ANK3: variants seen among roughly 807,000 people sequenced by gnomAD.
The protein encoded by ANK3 is ankyrin-3.
ANK3 carries 57 observed loss-of-function variants against 370.9 expected under a neutral mutation model. The observed-to-expected ratio is 0.15, with a 90% CI of 0.12 to 0.19. The LOEUF (loss-of-function observed/expected upper bound fraction) is 0.19. ANK3 is among the 10% of genes least tolerant of loss of function. The pLI, the probability that ANK3 is intolerant of heterozygous loss-of-function variation, is 1.00. For missense variants in ANK3, 4,439 were observed against 5,302.1 expected (o/e 0.84, Z 5.06); for synonymous variants, 1,929 against 1,946.3 (o/e 0.99, Z 0.23).
chr10:60,121,116 G>C (rs1009491696), intron 25 of ANK3, among the ~76,000 whole-genome samples: 1 of 152,040 alleles, frequency 6.6e-6, no homozygotes, highest in Non-Finnish European at 1.5e-5. Flanking sequence ...GTATGTACAC[G>C]CAACGGAGTA....
At position 60,083,617 on chromosome 10, in the gene ANK3, C is replaced by G. The variant is rs758009262; in HGVS notation, c.4075G>C (p.Val1359Leu). The change falls in exon 33 of 44, where the codon GTT becomes CTT. Residue 1359 changes from valine to leucine, a missense_variant and splice_region_variant. This residue lies in a region of ANK3 where 702 missense variants were observed against 941.5 expected (regional missense o/e 0.75). Coordinates refer to ENST00000280772, the MANE Select transcript of ANK3 (RefSeq NM_020987.5). The part of the protein sequence containing the change: ...EEVARSKDIE[V>L]LEGKPIYVDC... ...ACATAAATAGGTTTTCCTTCCAGAA[C>G]CTTTTAGAGTAAAAGAAATAAACAA... 9 of 1,587,884 alleles carry G rather than the reference C, an allele frequency of 5.7e-6. No individual in the cohort carries two copies. The highest frequency in any genetic ancestry group is 1.4e-5 in the African/African-American group (1 of 73,332).
intron 2 of ANK3, among the ~76,000 whole-genome samples, chr10:60,514,841 A>C (rs1385798610): frequency 6.6e-6 from 1 of 152,168 alleles, no homozygotes; most frequent in African/African-American, 2.4e-5. Context: ...AAAGTGATTT[A>C]ATAAAAATAA....
intron 2 of ANK3, among the ~76,000 whole-genome samples, chr10:60,505,812 T>G (rs1486895055): frequency 6.6e-6 from 1 of 152,184 alleles, no homozygotes; most frequent in Non-Finnish European, 1.5e-5. Context: ...CTCTTTTTTT[T>G]GATTTTACAA....
intron 2 of ANK3, among the ~76,000 whole-genome samples, chr10:60,460,637 T>C (rs1428730559): frequency 6.6e-6 from 1 of 152,136 alleles, no homozygotes; most frequent in South Asian, 2.1e-4. Flanking sequence ...ATCTAAGAAG[T>C]TGAGGAGAAA....
intron 2 of ANK3, among the ~76,000 whole-genome samples, chr10:60,440,803 C>T (rs912042741): frequency 6.6e-6 from 1 of 152,158 alleles, no homozygotes; most frequent in Admixed American, 6.5e-5. Context: ...ACAAAAGGTA[C>T]ATAAATTTCA....
At chr10:60,349,047 A>G (rs1017985636) in intron 1 of ANK3, among the ~76,000 whole-genome samples, 3 of 147,710 alleles carry the variant, frequency 2.0e-5, no homozygotes, top group African/African-American at 7.4e-5. Context: ...TCCAAGGGTG[A>G]GTAAGTGGTA....
At chr10:60,625,282 C>T (rs571900883) in intron 1 of ANK3, among the ~76,000 whole-genome samples, 1 of 152,236 alleles carries the variant, frequency 6.6e-6, no homozygotes, top group East Asian at 1.9e-4. Flanking sequence ...GAGACAAGAA[C>T]CCCACAGAGC....
intron 25 of ANK3, among the ~76,000 whole-genome samples, chr10:60,124,445 G>T (rs188167979): frequency 1.6e-4 from 25 of 152,226 alleles, no homozygotes; most frequent in Non-Finnish European, 3.5e-4. Context: ...AAAGTGCTGG[G>T]ATTACAGGAA....
intron 1 of ANK3, among the ~76,000 whole-genome samples, chr10:60,354,193 C>T (rs1159199210): frequency 6.6e-6 from 1 of 152,122 alleles, no homozygotes; most frequent in East Asian, 1.9e-4. Flanking sequence ...CTTCCCTTCC[C>T]CCAAGATGCA....
chr10:60,525,862 T>C (rs1338633313), intron 2 of ANK3, among the ~76,000 whole-genome samples: 2 of 152,134 alleles, frequency 1.3e-5, no homozygotes, highest in African/African-American at 2.4e-5. Flanking sequence ...AGTTCACTTA[T>C]TCTGCGCAGA....
intron 7 of ANK3, among the ~76,000 whole-genome samples, chr10:60,257,767 C>A (rs942397454): frequency 2.0e-5 from 3 of 152,102 alleles, no homozygotes; most frequent in African/African-American, 7.2e-5. Context: ...AATCTGTAAA[C>A]CACCCGAAAT....
Position 60,615,343 on chromosome 10 carries a change from A to AG in ANK3, c.58-120dup, listed in dbSNP as rs1378714173. 1.1e-4 allele frequency: 59 copies of AG among 559,816 alleles called. No homozygotes were observed. In the Admixed American group the frequency reaches 2.3e-3, roughly 22 times the overall value. 34.7% of individuals were successfully genotyped at this position (559,816 alleles called of 1,614,324 possible). ...TTATAAACATAGTAAGTTCCTTAAA[A>AG]GGGGAGAACACAAAGTAAAATAGAG... On this transcript the variant is annotated intron_variant, in intron 1 of 43. Coordinates refer to the ANK3 transcript ENST00000373827.
intron 1 of ANK3, among the ~76,000 whole-genome samples, chr10:60,651,974 A>T (rs1410298786): frequency 6.6e-6 from 1 of 152,254 alleles, no homozygotes; most frequent in Non-Finnish European, 1.5e-5. Flanking sequence ...AGAAAAAAAT[A>T]TTAAACTTAC....
chr10:60,045,872 T>A (rs1371347954), intron 42 of ANK3, among the ~76,000 whole-genome samples: 1 of 152,084 alleles, frequency 6.6e-6, no homozygotes, highest in Non-Finnish European at 1.5e-5. Flanking sequence ...AATAACAGAA[T>A]AAAGACTAGA....
At chr10:60,619,695 T>G (rs981122185) in intron 1 of ANK3, among the ~76,000 whole-genome samples, 3 of 152,146 alleles carry the variant, frequency 2.0e-5, no homozygotes, top group African/African-American at 7.2e-5. Flanking sequence ...ATGAAACTGA[T>G]GAGCAAAGAA....
chr10:60,201,856 C>T (rs1385979604), intron 12 of ANK3, among the ~76,000 whole-genome samples: 1 of 151,910 alleles, frequency 6.6e-6, no homozygotes, highest in Non-Finnish European at 1.5e-5. Flanking sequence ...GAATTACATG[C>T]ATGCACCACC....
intron 7 of ANK3, among the ~76,000 whole-genome samples, chr10:60,249,141 A>G (rs1028419141): frequency 6.6e-6 from 1 of 152,198 alleles, no homozygotes; most frequent in Non-Finnish European, 1.5e-5. Context: ...CCCAGCTAGA[A>G]AGATCTATGA....
intron 2 of ANK3, among the ~76,000 whole-genome samples, chr10:60,598,147 G>A (rs1283973814): frequency 6.6e-6 from 1 of 152,078 alleles, no homozygotes; most frequent in Non-Finnish European, 1.5e-5. Context: ...GGGGATCCAG[G>A]AACATCTGTT....
At chr10:60,732,629 T>G (rs969510160) in intron 1 of ANK3, among the ~76,000 whole-genome samples, 62 of 152,292 alleles carry the variant, frequency 4.1e-4, no homozygotes, top group African/African-American at 1.4e-3. Context: ...TCTGTCTCAA[T>G]CTATGAAGTA....
Sources: gnomAD v4.1 joint callset for allele counts (sites outside exome capture counted in the v4.1 genomes callset) on GRCh38, gnomAD v4.1.1 for gene constraint, gnomAD v4.1.1 regional missense constraint, MANE v1.5 for transcripts, NCBI Gene and HGNC (gene_info 2026-07-23, HGNC 2026-07-21) for gene names.